The following ZFPM2 variants were observed in gnomAD, a reference collection of about 807,000 sequenced individuals.
The protein encoded by ZFPM2 is zinc finger protein, FOG family member 2.
In ZFPM2, 20 loss-of-function variants were observed where a neutral mutation model predicts 98.6. The ratio of observed to expected loss-of-function variants is 0.20; its 90% confidence interval spans 0.14 to 0.29. The LOEUF (loss-of-function observed/expected upper bound fraction) is 0.29, where lower values mean the gene tolerates loss of function less well. Ranked by LOEUF, ZFPM2 falls within the 10% of genes least tolerant of loss-of-function variation. ZFPM2 has a pLI of 1.00. For missense variants in ZFPM2, 1,310 were observed against 1,388.6 expected, an observed-to-expected ratio of 0.94 and a Z score of 0.90; for synonymous variants, 518 against 502.7, an observed-to-expected ratio of 1.03 and a Z score of -0.41.
chr8:105,630,195 C>T (rs1239945902), intron 4 of ZFPM2, among the ~76,000 whole-genome samples: 1 of 152,204 alleles, frequency 6.6e-6, no homozygotes, highest in African/African-American at 2.4e-5. Flanking sequence ...AAAGTAGCTT[C>T]TAGCTCTTAG....
chr8:105,684,871 T>G (rs1810695274), intron 5 of ZFPM2: 1 of 152,068 alleles, frequency 6.6e-6, no homozygotes, highest in Non-Finnish European at 1.5e-5. Context: ...TCCAACTATA[T>G]CGACATAAAG....
At chr8:105,486,098 G>A (rs1348892542) in intron 3 of ZFPM2, among the ~76,000 whole-genome samples, 2 of 151,978 alleles carry the variant, frequency 1.3e-5, no homozygotes, top group African/African-American at 4.8e-5. Flanking sequence ...CTTTCTGGTT[G>A]TCATTATTCC....
At chr8:105,326,452 CTA>C (rs932539550) in intron 1 of ZFPM2, among the ~76,000 whole-genome samples, 1 of 151,564 alleles carries the variant, frequency 6.6e-6, no homozygotes, top group Non-Finnish European at 1.5e-5. Context: ...TTGGGGAACT[CTA>C]TATGCAGCTT....
chr8:105,648,230 C>CT (rs769605346), intron 5 of ZFPM2, among the ~76,000 whole-genome samples: 18 of 151,854 alleles, frequency 1.2e-4, no homozygotes, highest in Non-Finnish European at 1.8e-4. Context: ...GGGTTGTTTG[C>CT]TTTTTTCTTG....
intron 3 of ZFPM2, among the ~76,000 whole-genome samples, chr8:105,485,146 C>T (rs114032163): frequency 0.021 from 3,259 of 152,270 alleles, 121 homozygotes; most frequent in African/African-American, 0.074. Flanking sequence ...TCAGTTCCAG[C>T]GAGTCATGTG....
At chr8:105,535,861 C>T (rs890479571) in intron 3 of ZFPM2, among the ~76,000 whole-genome samples, 8 of 152,070 alleles carry the variant, frequency 5.3e-5, no homozygotes, top group Admixed American at 4.6e-4. Flanking sequence ...TACTTTTAAC[C>T]CTTTGTGACT....
At chr8:105,506,187 T>A (rs1813694860) in intron 3 of ZFPM2, among the ~76,000 whole-genome samples, 1 of 152,180 alleles carries the variant, frequency 6.6e-6, no homozygotes, top group East Asian at 1.9e-4. Flanking sequence ...TTAGATACCA[T>A]CATTTGGTCA....
intron 3 of ZFPM2, among the ~76,000 whole-genome samples, chr8:105,526,521 A>G (rs1586436670): frequency 6.6e-6 from 1 of 152,134 alleles, no homozygotes; most frequent in Non-Finnish European, 1.5e-5. Flanking sequence ...TACAGAAACT[A>G]CCTGACTAGC....
chr8:105,542,840 G>A (rs1814609182), intron 3 of ZFPM2, among the ~76,000 whole-genome samples: 1 of 152,112 alleles, frequency 6.6e-6, no homozygotes, highest in Non-Finnish European at 1.5e-5. Flanking sequence ...TCACAACCAA[G>A]ATAGTGACAT....
intron 4 of ZFPM2, among the ~76,000 whole-genome samples, chr8:105,610,449 T>A (rs1275750586): frequency 6.6e-6 from 1 of 152,144 alleles, no homozygotes; most frequent in Non-Finnish European, 1.5e-5. Flanking sequence ...TCAACATCTT[T>A]ACCTTTAACT....
At chr8:105,548,773 A>G (rs1814773025) in intron 3 of ZFPM2, among the ~76,000 whole-genome samples, 1 of 152,070 alleles carries the variant, frequency 6.6e-6, no homozygotes, top group African/African-American at 2.4e-5. Context: ...ATTTTATCTT[A>G]TACCTTCAGC....
At chr8:105,518,850 A>T (rs1813992298) in intron 3 of ZFPM2, among the ~76,000 whole-genome samples, 1 of 152,230 alleles carries the variant, frequency 6.6e-6, no homozygotes. Flanking sequence ...GGAAAGTTGT[A>T]GATTACTTTG....
intron 4 of ZFPM2, among the ~76,000 whole-genome samples, chr8:105,598,932 A>G (rs1816031668): frequency 6.6e-6 from 1 of 152,202 alleles, no homozygotes; most frequent in Non-Finnish European, 1.5e-5. Context: ...CACATAATTA[A>G]CAGCAAGACA....
At chr8:105,723,012 T>C (rs1811705786) in intron 5 of ZFPM2, among the ~76,000 whole-genome samples, 1 of 151,952 alleles carries the variant, frequency 6.6e-6, no homozygotes, top group Non-Finnish European at 1.5e-5. Flanking sequence ...ATCTGTTTTC[T>C]GGCACATCTT....
At chr8:105,443,339 A>AAAAAAAAAAAAT (rs1812305323) in intron 2 of ZFPM2, among the ~76,000 whole-genome samples, 1 of 150,510 alleles carries the variant, frequency 6.6e-6, no homozygotes, top group African/African-American at 2.5e-5. Flanking sequence ...AAAAAAAAAA[A>AAAAAAAAAAAAT]CTTGGCATTA....
At chr8:105,630,691 A>T (rs1285353782) in intron 4 of ZFPM2, among the ~76,000 whole-genome samples, 1 of 152,204 alleles carries the variant, frequency 6.6e-6, no homozygotes, top group Non-Finnish European at 1.5e-5. Flanking sequence ...TTTTACTCAT[A>T]TTATCAGTTC....
At chr8:105,476,163 A>G (rs1813008553) in intron 3 of ZFPM2, among the ~76,000 whole-genome samples, 1 of 152,206 alleles carries the variant, frequency 6.6e-6, no homozygotes, top group African/African-American at 2.4e-5. Flanking sequence ...CCTCAGAGCC[A>G]TTTGATGACC....
intron 6 of ZFPM2, among the ~76,000 whole-genome samples, chr8:105,796,435 T>C (rs899730839): frequency 2.6e-5 from 4 of 152,208 alleles, no homozygotes; most frequent in African/African-American, 9.6e-5. Flanking sequence ...TTTACTAAAC[T>C]GTGTAGCCTC....
intron 1 of ZFPM2, among the ~76,000 whole-genome samples, chr8:105,402,044 T>C (rs1050803865): frequency 1.3e-5 from 2 of 152,094 alleles, no homozygotes; most frequent in Non-Finnish European, 2.9e-5. Context: ...TAGTAATAAT[T>C]TGTTAATATT....
Sources: gnomAD v4.1 joint callset for allele counts (sites outside exome capture counted in the v4.1 genomes callset) on GRCh38, gnomAD v4.1.1 for gene constraint, MANE v1.5 for transcripts, NCBI Gene and HGNC (gene_info 2026-07-23, HGNC 2026-07-21) for gene names.